DRC11: variants seen among roughly 807,000 people sequenced by gnomAD.
The protein encoded by DRC11 is dynein regulatory complex subunit 11.
chr2:236,400,539 G>C, the DRC11 span, among the ~76,000 whole-genome samples: 1 of 152,198 alleles, frequency 6.6e-6, no homozygotes, highest in Non-Finnish European at 1.5e-5. This position sits in a 1 kb window ranked among gnomAD's most constrained non-coding sequence, Gnocchi z 7.9. Flanking sequence ...TCTGGTTTCC[G>C]ATGACCACTA....
the DRC11 span, among the ~76,000 whole-genome samples, chr2:236,388,457 C>A: frequency 2.6e-5 from 4 of 151,894 alleles, no homozygotes; most frequent in Non-Finnish European, 4.4e-5. Context: ...ATCGCATCGG[C>A]TCCTGAGGCT....
chr2:236,389,265 C>T, the DRC11 span, among the ~76,000 whole-genome samples: 5 of 152,332 alleles, frequency 3.3e-5, no homozygotes, highest in South Asian at 2.1e-4. Context: ...CCCAGCCTCG[C>T]TGCCGCCTTG....
the DRC11 span, among the ~76,000 whole-genome samples, chr2:236,467,795 GAAAAAAACATTATCTT>G: frequency 6.6e-6 from 1 of 151,968 alleles, no homozygotes. Context: ...CAATTACTTG[GAAAAAAACATTATCTT>G]AAAGATTCAA....
At chr2:236,389,718 A>T in the DRC11 span, among the ~76,000 whole-genome samples, 4 of 151,832 alleles carry the variant, frequency 2.6e-5, no homozygotes, top group Non-Finnish European at 4.4e-5. Flanking sequence ...ATATTTTCTA[A>T]TTTCCCTGCG....
At chr2:236,471,756 A>G in the DRC11 span, among the ~76,000 whole-genome samples, 1 of 152,200 alleles carries the variant, frequency 6.6e-6, no homozygotes, top group Non-Finnish European at 1.5e-5. This position sits in a 1 kb window ranked among gnomAD's most constrained non-coding sequence, Gnocchi z 4.6. Flanking sequence ...CCAAGTTCAC[A>G]CAGCTAGAAA....
At chr2:236,460,206 G>T in the DRC11 span, among the ~76,000 whole-genome samples, 1 of 152,176 alleles carries the variant, frequency 6.6e-6, no homozygotes, top group African/African-American at 2.4e-5. The surrounding 1 kb of genome is among the most constrained non-coding windows in gnomAD (Gnocchi z 4.0). Context: ...TTACATCTTT[G>T]TGAAGTCTGC....
chr2:236,434,744 G>A, the DRC11 span, among the ~76,000 whole-genome samples: 1 of 152,084 alleles, frequency 6.6e-6, no homozygotes, highest in Non-Finnish European at 1.5e-5. This position sits in a 1 kb window ranked among gnomAD's most constrained non-coding sequence, Gnocchi z 5.5. Flanking sequence ...ATTTTTTAAT[G>A]TTTCTCATGG....
At chr2:236,507,021 G>C in the DRC11 span, among the ~76,000 whole-genome samples, 1 of 152,184 alleles carries the variant, frequency 6.6e-6, no homozygotes, top group Admixed American at 6.5e-5. Flanking sequence ...TGGGGTGGTG[G>C]GACGCGTAGG....
At chr2:236,449,310 G>A in the DRC11 span, among the ~76,000 whole-genome samples, 1 of 152,168 alleles carries the variant, frequency 6.6e-6, no homozygotes, top group Non-Finnish European at 1.5e-5. This position sits in a 1 kb window ranked among gnomAD's most constrained non-coding sequence, Gnocchi z 5.1. Flanking sequence ...TGTTTTAAAA[G>A]GATCACTCTG....
At chr2:236,408,153 G>A in the DRC11 span, 1 of 696,110 alleles carries the variant, frequency 1.4e-6, no homozygotes, top group East Asian at 2.9e-5. This position sits in a 1 kb window ranked among gnomAD's most constrained non-coding sequence, Gnocchi z 5.5. Context: ...GAAGGTCATG[G>A]TCAGTGGAGG....
At chr2:236,383,974 T>A in the DRC11 span, among the ~76,000 whole-genome samples, 1 of 152,104 alleles carries the variant, frequency 6.6e-6, no homozygotes, top group Non-Finnish European at 1.5e-5. Flanking sequence ...TTCATCCATG[T>A]CCCTACAAAG....
the DRC11 span, among the ~76,000 whole-genome samples, chr2:236,450,351 G>A: frequency 2.2e-4 from 25 of 114,536 alleles, no homozygotes; most frequent in Non-Finnish European, 3.3e-4. Context: ...ACGGGGTCTC[G>A]CTCTGTTGCC....
the DRC11 span, among the ~76,000 whole-genome samples, chr2:236,499,461 C>T: frequency 6.6e-6 from 1 of 152,218 alleles, no homozygotes; most frequent in South Asian, 2.1e-4. This position sits in a 1 kb window ranked among gnomAD's most constrained non-coding sequence, Gnocchi z 4.7. Flanking sequence ...GACAGTCTCA[C>T]TCTGTCACCC....
the DRC11 span, among the ~76,000 whole-genome samples, chr2:236,337,823 A>C: frequency 6.7e-6 from 1 of 149,644 alleles, no homozygotes; most frequent in Non-Finnish European, 1.5e-5. The surrounding 1 kb of genome is among the most constrained non-coding windows in gnomAD (Gnocchi z 4.9). Flanking sequence ...AAAAAAAAAA[A>C]CCCAACCCGG....
At chr2:236,367,907 T>C in the DRC11 span, 1 of 423,786 alleles carries the variant, frequency 2.4e-6, no homozygotes, top group Non-Finnish European at 4.4e-6. The surrounding 1 kb of genome is among the most constrained non-coding windows in gnomAD (Gnocchi z 4.8). Flanking sequence ...TTAATCGTAA[T>C]TGCAGGTACT....
the DRC11 span, among the ~76,000 whole-genome samples, chr2:236,417,964 T>C: frequency 6.6e-6 from 1 of 152,176 alleles, no homozygotes; most frequent in East Asian, 1.9e-4. Context: ...ACATTTTCTT[T>C]ATCCAGTCTA....
At chr2:236,448,422 G>A in the DRC11 span, among the ~76,000 whole-genome samples, 1 of 151,972 alleles carries the variant, frequency 6.6e-6, no homozygotes, top group African/African-American at 2.4e-5. The surrounding 1 kb of genome is among the most constrained non-coding windows in gnomAD (Gnocchi z 5.3). Context: ...CTGTCGCCCG[G>A]GCTGGAGTGC....
chr2:236,474,460 G>A, the DRC11 span, among the ~76,000 whole-genome samples: 1 of 152,108 alleles, frequency 6.6e-6, no homozygotes, highest in Non-Finnish European at 1.5e-5. Flanking sequence ...TAAGTTTCTG[G>A]TGTGTGGCAC....
chr2:236,386,770 G>A, the DRC11 span, among the ~76,000 whole-genome samples: 1 of 148,826 alleles, frequency 6.7e-6, no homozygotes, highest in South Asian at 2.2e-4. Context: ...GTCAATTTTG[G>A]ATCTTTCCTG....
Sources: allele counts gnomAD v4.1 joint callset (sites outside exome capture counted in the v4.1 genomes callset), GRCh38; gene constraint gnomAD v4.1.1; non-coding constraint Gnocchi (gnomAD v3.1); transcripts MANE v1.5; gene names NCBI Gene and HGNC (gene_info 2026-07-23, HGNC 2026-07-21).